The following RSRC2 variants were observed in gnomAD, a reference collection of about 807,000 sequenced individuals.
RSRC2 encodes arginine and serine rich coiled-coil 2.
In RSRC2, 5 loss-of-function variants were observed where a neutral mutation model predicts 61.3. That is an observed-to-expected ratio of 0.08 (90% confidence interval 0.04 to 0.17). The LOEUF is 0.17. Among genes scored for constraint, RSRC2 ranks in the 10% least tolerant of loss-of-function variants. RSRC2 has a pLI of 1.00. For missense variants in RSRC2, 381 were observed against 518.8 expected, an observed-to-expected ratio of 0.73 and a Z score of 2.58; for synonymous variants, 202 against 166.5, an observed-to-expected ratio of 1.21 and a Z score of -1.64.
intron 6 of RSRC2, chr12:122,514,545 T>A: frequency 1.0e-6 from 1 of 961,428 alleles, no homozygotes; most frequent in Non-Finnish European, 1.2e-6. Context: ...GGATTACAGG[T>A]GTGACCGATT....
At chr12:122,514,101 G>A (rs1360442220) in intron 6 of RSRC2, among the ~76,000 whole-genome samples, 1 of 152,012 alleles carries the variant, frequency 6.6e-6, no homozygotes, top group Non-Finnish European at 1.5e-5. Flanking sequence ...TCAAAATATG[G>A]GAAATACTGC....
chr12:122,521,942 A>G (rs1183745670), intron 2 of RSRC2, among the ~76,000 whole-genome samples: 1 of 152,180 alleles, frequency 6.6e-6, no homozygotes, highest in Non-Finnish European at 1.5e-5. Context: ...TGGAGGTTGC[A>G]TTGGGCTGAG....
intron 7 of RSRC2, among the ~76,000 whole-genome samples, chr12:122,509,403 T>C (rs1046143647): frequency 2.0e-5 from 3 of 151,748 alleles, no homozygotes; most frequent in Non-Finnish European, 4.4e-5. Context: ...TGAGTCAGGA[T>C]TGTGCCACTG....
chr12:122,517,542 A>C, intron 4 of RSRC2, 112 bp from the exon 5 acceptor site: 1 of 1,235,156 alleles, frequency 8.1e-7, no homozygotes, highest in Non-Finnish European at 1.1e-6. Context: ...AAGTAACTGC[A>C]CTATATTATT....
At chr12:122,506,768 G>A in intron 9 of RSRC2, 66 bp downstream of exon 9, 7 of 939,024 alleles carry the variant, frequency 7.5e-6, no homozygotes, top group East Asian at 4.9e-5. Flanking sequence ...CTAAGAAAAT[G>A]AGGGAAGAAC....
Position 122,515,150 on chromosome 12 carries a change from C to T in RSRC2, c.680G>A (p.Arg227Lys). 1 of 1,614,176 alleles carries T rather than the reference C, an allele frequency of 6.2e-7. No homozygotes were observed. The highest frequency in any genetic ancestry group is 8.5e-7 in the Non-Finnish European group (1 of 1,180,022). The change falls in exon 6 of 10, where the codon AGA (arginine) becomes AAA (lysine). Residue 227 changes from arginine to lysine, a missense_variant. Around this residue, in one of 4 missense-constraint regions of RSRC2, gnomAD observed 11 missense variants for 37.8 expected, o/e 0.29. Coordinates refer to ENST00000331738, the MANE Select transcript of RSRC2 (RefSeq NM_023012.6). ...LSRTPSPPPF[R>K]GRNTAMDAQE... is the part of the protein sequence containing the mutation. ...TGCATCCATTGCTGTGTTTCTGCCTCTGAAGGGAGGTGGACTTGGAGTCCG... is the reference window on the plus strand; with the variant it reads ...TGCATCCATTGCTGTGTTTCTGCCTTTGAAGGGAGGTGGACTTGGAGTCCG...
chr12:122,525,047 G>A (rs899558223), intron 1 of RSRC2, among the ~76,000 whole-genome samples: 12 of 152,200 alleles, frequency 7.9e-5, no homozygotes, highest in African/African-American at 2.9e-4. Context: ...AACAAGGCAC[G>A]GCATAAATAA....
rs1012244991 is a variant in RSRC2, at chr12:122,525,546, G to A, written c.6+1302C>T. Among the ~76,000 whole-genome samples, 5 of 152,266 alleles carry A rather than the reference G, an allele frequency of 3.3e-5. No homozygotes were observed. In the South Asian group the frequency reaches 1.0e-3, roughly 32 times the overall value. Reference sequence around the variant, plus strand: ...AAGAAAATCATCTGCCTAATCCCAGGCATTCCAATCGTTAGGAAGAGCAAA... The same window carrying A: ...AAGAAAATCATCTGCCTAATCCCAGACATTCCAATCGTTAGGAAGAGCAAA... On this transcript the variant is annotated intron_variant, in intron 1 of 9. Coordinates refer to ENST00000331738, the MANE Select transcript of RSRC2 (RefSeq NM_023012.6).
chr12:122,517,113 AC>A (rs1958994332), intron 5 of RSRC2, 113 bp downstream of exon 5: 1 of 1,456,800 alleles, frequency 6.9e-7, no homozygotes, highest in African/African-American at 1.4e-5. Context: ...AAATAATTTT[AC>A]CATAATCTAT....
intron 3 of RSRC2, chr12:122,520,256 A>G: frequency 3.9e-6 from 1 of 259,464 alleles, no homozygotes; most frequent in Non-Finnish European, 7.7e-6. Context: ...AGAGACCTGG[A>G]GACACAATTA....
chr12:122,519,089 G>A, intron 3 of RSRC2, 60 bp from the exon 4 acceptor site: 1 of 1,380,654 alleles, frequency 7.2e-7, no homozygotes, highest in South Asian at 1.2e-5. Flanking sequence ...AGTTAGTATG[G>A]GTATCAGTAG....
At chr12:122,526,627 T>G (rs1960521337) in intron 1 of RSRC2, among the ~76,000 whole-genome samples, 3 of 151,632 alleles carry the variant, frequency 2.0e-5, no homozygotes, top group Admixed American at 2.0e-4. Flanking sequence ...GGAGGAAAGT[T>G]CTGGAAAAAA....
Position 122,522,238 on chromosome 12 carries a change from T to C in RSRC2, c.68A>G (p.Lys23Arg). Reference protein sequence around the residue: ...PEKTSPDRDKKKEQSEVSVSP... With the variant: ...PEKTSPDRDKRKEQSEVSVSP... The stretch of plus-strand genomic sequence containing the variant: ...AACAGATACTTCTGACTGCTCTTTT[T>C]TCTTATCTCTATCTGGTGATGTCTT... Residue 23 changes from lysine to arginine, a missense_variant, in exon 2 of 10, where the codon AAA (lysine) becomes AGA (arginine). By Grantham distance (26) the Lys-to-Arg change is conservative. This residue lies in a region of RSRC2 where 266 missense variants were observed against 270.5 expected (regional missense o/e 0.98). Transcript: ENST00000331738. The C allele has an allele frequency of 6.2e-7, 1 of 1,614,092 alleles. No individual in the cohort carries two copies. The highest frequency in any genetic ancestry group is 2.2e-5 in the East Asian group (1 of 44,876).
rs183685709 is a variant in RSRC2 at position 122,526,933 on chromosome 12, G to A, written c.-80C>T. ...CCGGCCGCTCCGAAGCTTCGCCTCA[G>A]ACTAAATCGCTCGCGCGAGAGACCC... is the stretch of plus-strand genomic sequence containing the variant. On this transcript the variant is annotated 5_prime_UTR_variant, in exon 1 of 10. Transcript: ENST00000331738. 1.4e-4 allele frequency: 224 copies of A among 1,545,326 alleles called. 1 individual carries two copies. In the African/African-American group the frequency reaches 2.3e-3, roughly 16 times the overall value.
At chr12:122,509,144 C>T (rs1958311968) in intron 7 of RSRC2, among the ~76,000 whole-genome samples, 1 of 151,736 alleles carries the variant, frequency 6.6e-6, no homozygotes, top group Non-Finnish European at 1.5e-5. Context: ...ACATCATATA[C>T]TTGAAAAACA....
At chr12:122,520,838 C>T (rs1959188885) in intron 3 of RSRC2, 1 of 256,598 alleles carries the variant, frequency 3.9e-6, no homozygotes, top group Non-Finnish European at 7.8e-6. Flanking sequence ...CTTTGCAATA[C>T]AGCTGCTGCC....
At chr12:122,515,736 T>C (rs1311878315) in intron 5 of RSRC2, among the ~76,000 whole-genome samples, 2 of 152,202 alleles carry the variant, frequency 1.3e-5, no homozygotes, top group African/African-American at 4.8e-5. Flanking sequence ...ATGCCTGTAA[T>C]CCCAGAACTT....
In RSRC2 at chr12:122,505,315, T is replaced by C. The variant is rs1449310515; in HGVS notation, c.*212A>G. 3 of 436,278 alleles carry C rather than the reference T, an allele frequency of 6.9e-6. No individual in the cohort carries two copies. Among genetic ancestry groups the C allele is most frequent in the South Asian group, 1.3e-4 (2 of 15,474 alleles). The allele number at this position is 436,278 out of a possible 1,614,324, so 27.0% of individuals were successfully genotyped here. ...TGAACTAAAAAATATTATCCTTCTATAGTCCTGTCAAGTTTAATGGAAGTG... is the reference window on the plus strand; with the variant it reads ...TGAACTAAAAAATATTATCCTTCTACAGTCCTGTCAAGTTTAATGGAAGTG... On this transcript the variant is annotated 3_prime_UTR_variant, in exon 10 of 10. Transcript: ENST00000331738.
chr12:122,519,483 A>G (rs1421316564), intron 3 of RSRC2: 2 of 157,390 alleles, frequency 1.3e-5, no homozygotes, highest in East Asian at 1.9e-4. Context: ...CTAAGTACTA[A>G]TATTTTCTAT....
Sources: allele counts gnomAD v4.1 joint callset (sites outside exome capture counted in the v4.1 genomes callset), GRCh38; gene constraint gnomAD v4.1.1; regional missense constraint gnomAD v4.1.1; transcripts MANE v1.5; gene names NCBI Gene and HGNC (gene_info 2026-07-23, HGNC 2026-07-21).